Variants in GRIK4 observed in about 807,000 individuals in gnomAD.
The protein encoded by GRIK4 is glutamate ionotropic receptor kainate type subunit 4, also known as glutamate receptor ionotropic, kainate 4.
In GRIK4, 40 loss-of-function variants were observed where a neutral mutation model predicts 104.9. That is an observed-to-expected ratio of 0.38 (90% CI 0.30 to 0.50). The LOEUF is 0.50. Among genes scored for constraint, GRIK4 ranks in the 20% least tolerant of loss-of-function variants. GRIK4 has a pLI of 0.93. For synonymous variants in GRIK4, 485 were observed against 524.9 expected, an observed-to-expected ratio of 0.92 and a Z score of 1.04; for missense variants, 1,047 against 1,308.1, an observed-to-expected ratio of 0.80 and a Z score of 3.08.
At chr11:120,742,436 A>G (rs1368317361) in intron 3 of GRIK4, among the ~76,000 whole-genome samples, 4 of 151,922 alleles carry the variant, frequency 2.6e-5, no homozygotes, top group Non-Finnish European at 4.4e-5. Context: ...AAAAAGCTCA[A>G]TATCAGTGAT....
At chr11:120,709,926 A>G (rs1057510936) in intron 3 of GRIK4, among the ~76,000 whole-genome samples, 21 of 152,190 alleles carry the variant, frequency 1.4e-4, no homozygotes, top group African/African-American at 5.1e-4. Flanking sequence ...ACATTAATAC[A>G]TCACTGTCTG....
intron 1 of GRIK4, among the ~76,000 whole-genome samples, chr11:120,541,269 C>T (rs1734913933): frequency 6.6e-6 from 1 of 152,262 alleles, no homozygotes; most frequent in Non-Finnish European, 1.5e-5. Flanking sequence ...TCCTTTGAGC[C>T]AGCATCACAC....
chr11:120,541,207 C>T (rs1228077299), intron 1 of GRIK4, among the ~76,000 whole-genome samples: 1 of 152,242 alleles, frequency 6.6e-6, no homozygotes. Context: ...CCTCTAAGAC[C>T]CAGCTCAAGT....
chr11:120,814,784 C>T (rs1052920799), intron 4 of GRIK4, among the ~76,000 whole-genome samples: 5 of 152,154 alleles, frequency 3.3e-5, no homozygotes, highest in African/African-American at 7.2e-5. Context: ...ACGAAGTGAA[C>T]GACGGGGGCA....
At chr11:120,960,770 T>C (rs1944270360) in intron 16 of GRIK4, 139 bp from the exon 17 acceptor site, 3 of 619,506 alleles carry the variant, frequency 4.8e-6, no homozygotes, top group Non-Finnish European at 8.4e-6. Flanking sequence ...CTGCCTCCTT[T>C]CTCTTCCCCC....
intron 1 of GRIK4, among the ~76,000 whole-genome samples, chr11:120,527,424 C>T (rs576481490): frequency 6.6e-6 from 1 of 152,302 alleles, no homozygotes; most frequent in Non-Finnish European, 1.5e-5. Flanking sequence ...CAGGGCAGAC[C>T]CCTGCCGGTG....
rs576691271 is a variant in GRIK4, at chr11:120,860,928, A to G, written c.745-1031A>G. Among the ~76,000 whole-genome samples, 102 of 151,992 alleles carry G rather than the reference A, an allele frequency of 6.7e-4. 1 individual carries two copies. The highest frequency in any genetic ancestry group is 1.6e-3 in the Admixed American group (25 of 15,268). ...TGGTCTGGTCTCTGCTGACTGCCCC[A>G]GCTTCGTTTCTCACCATCCCTCTCC... On this transcript the variant is annotated intron_variant, in intron 8 of 20. Coordinates refer to ENST00000527524, the MANE Select transcript of GRIK4 (RefSeq NM_014619.5).
chr11:120,885,631 C>T lies in GRIK4; in HGVS notation c.1164+10388C>T, dbSNP rs149735031. 9.4e-3 allele frequency among the ~76,000 whole-genome samples: 1,436 copies of T among 152,200 alleles called. 17 individuals are homozygous for T. Among genetic ancestry groups the T allele is most frequent in the African/African-American group, 0.033 (1,363 of 41,520 alleles). The stretch of plus-strand genomic sequence containing the variant: ...AACTCCTGACCTCAGGTCACCTGCC[C>T]GCCTCGGCCTCCCAAAGTGCTGGGA... On this transcript the variant is annotated intron_variant, in intron 11 of 20. Transcript: ENST00000527524.
intron 13 of GRIK4, among the ~76,000 whole-genome samples, chr11:120,914,944 C>G (rs1943074667): frequency 6.6e-6 from 1 of 152,078 alleles, no homozygotes. Context: ...TGAGGATGCC[C>G]AAGAGAGGAT....
chr11:120,533,382 C>T (rs1305933975), intron 1 of GRIK4, among the ~76,000 whole-genome samples: 3 of 152,198 alleles, frequency 2.0e-5, no homozygotes, highest in Admixed American at 2.0e-4. Context: ...CTTATAACAA[C>T]CCTGCATACA....
intron 1 of GRIK4, among the ~76,000 whole-genome samples, chr11:120,603,696 C>T (rs1300662021): frequency 6.6e-6 from 1 of 152,188 alleles, no homozygotes; most frequent in Admixed American, 6.5e-5. Context: ...CCTTTGCCTT[C>T]AAGCGTCATA....
chr11:120,796,152 C>T (rs1565357681), intron 3 of GRIK4, among the ~76,000 whole-genome samples: 1 of 151,634 alleles, frequency 6.6e-6, no homozygotes, highest in African/African-American at 2.4e-5. Flanking sequence ...TCTCCTGCTT[C>T]AGCCTCCCGA....
chr11:120,871,326 C>T (rs1207364246), intron 9 of GRIK4: 4 of 285,846 alleles, frequency 1.4e-5, no homozygotes, highest in African/African-American at 6.5e-5. Flanking sequence ...CAGGGGAAAG[C>T]GAGTTACATG....
At chr11:120,754,437 A>G (rs1307610161) in intron 3 of GRIK4, among the ~76,000 whole-genome samples, 1 of 152,146 alleles carries the variant, frequency 6.6e-6, no homozygotes, top group Non-Finnish European at 1.5e-5. Context: ...ATTTCCTTTC[A>G]TGGCTGAATA....
chr11:120,983,311 G>A (rs559469142), intron 20 of GRIK4, among the ~76,000 whole-genome samples: 1 of 152,242 alleles, frequency 6.6e-6, no homozygotes, highest in South Asian at 2.1e-4. Context: ...TCCAAACCAA[G>A]GGGATCCAGC....
chr11:120,748,126 T>G (rs1951479388), intron 3 of GRIK4, among the ~76,000 whole-genome samples: 1 of 151,862 alleles, frequency 6.6e-6, no homozygotes, highest in East Asian at 1.9e-4. Context: ...ACCAAGACCT[T>G]GGCTGGGGAG....
In GRIK4 at chr11:120,932,800, A is replaced by T. The variant is rs187243841; in HGVS notation, c.1477-7547A>T. Among the ~76,000 whole-genome samples the T allele has an allele frequency of 8.5e-5, 13 of 152,276 alleles. No individual in the cohort carries two copies. The East Asian group carries it at 2.5e-3, about 29-fold the overall frequency. ...ACAGGAGATGTGAAGCCTGACTTGT[A>T]AAGTTGTAGAAAGCTGCTGGCATGT... On this transcript the variant is annotated intron_variant, in intron 13 of 20. Transcript: ENST00000527524.
At chr11:120,822,845 A>G (rs1388150189) in intron 6 of GRIK4, among the ~76,000 whole-genome samples, 1 of 152,236 alleles carries the variant, frequency 6.6e-6, no homozygotes, top group East Asian at 1.9e-4. Context: ...CCTGTGGCCA[A>G]AACATGTATT....
intron 20 of GRIK4, among the ~76,000 whole-genome samples, chr11:120,983,340 CA>C (rs1944683716): frequency 6.6e-6 from 1 of 152,174 alleles, no homozygotes; most frequent in African/African-American, 2.4e-5. Flanking sequence ...TCTCAGTCTC[CA>C]TCACCTCACT....
Sources: allele counts gnomAD v4.1 joint callset (sites outside exome capture counted in the v4.1 genomes callset), GRCh38; gene constraint gnomAD v4.1.1; transcripts MANE v1.5; gene names NCBI Gene and HGNC (gene_info 2026-07-23, HGNC 2026-07-21).